RASAL2: variants seen among roughly 807,000 people sequenced by gnomAD.
RASAL2 encodes RAS protein activator like 2, also known as ras GTPase-activating protein nGAP.
Under a neutral mutation model 128.9 loss-of-function variants are expected in RASAL2, and 58 were observed. The observed-to-expected ratio is 0.45, with a 90% confidence interval of 0.36 to 0.56. The LOEUF is 0.56. RASAL2 is among the 20% of genes least tolerant of loss of function. RASAL2 has a pLI of 0.00. For missense variants in RASAL2, 1,360 were observed against 1,601.6 expected, an observed-to-expected ratio of 0.85 and a Z score of 2.57; for synonymous variants, 561 against 580.8, an observed-to-expected ratio of 0.97 and a Z score of 0.49.
chr1:178,376,074 G>A (rs1671975191), intron 3 of RASAL2, among the ~76,000 whole-genome samples: 1 of 152,116 alleles, frequency 6.6e-6, no homozygotes, highest in Admixed American at 6.6e-5. Context: ...GAGACACAGA[G>A]CGAATGACCG....
intron 2 of RASAL2, among the ~76,000 whole-genome samples, chr1:178,298,852 TTCTTAATTCTGA>T (rs1667631716): frequency 6.6e-6 from 1 of 151,998 alleles, no homozygotes; most frequent in Admixed American, 6.5e-5. Context: ...GATGTTACAA[TTCTTAATTCTGA>T]TAAAAGCTAC....
chr1:178,227,754 A>C (rs1663848556), intron 1 of RASAL2, among the ~76,000 whole-genome samples: 1 of 152,230 alleles, frequency 6.6e-6, no homozygotes, highest in African/African-American at 2.4e-5. Flanking sequence ...CTGTGCTTTA[A>C]ATGTTATAAA....
intron 6 of RASAL2, 136 bp downstream of exon 6, chr1:178,439,711 A>G (rs1676495943): frequency 3.9e-6 from 3 of 776,406 alleles, no homozygotes; most frequent in African/African-American, 1.8e-5. Flanking sequence ...TTATCTACTT[A>G]CAGAGAAAAA....
chr1:178,428,473 C>CTTTTTTTTTTTTTTTTT, intron 5 of RASAL2, among the ~76,000 whole-genome samples: 2 of 151,376 alleles, frequency 1.3e-5, no homozygotes, highest in African/African-American at 4.9e-5. Flanking sequence ...ATGATTTTAG[C>CTTTTTTTTTTTTTTTTT]TTTTATATAT....
At chr1:178,178,881 T>C (rs1451567358) in intron 1 of RASAL2, among the ~76,000 whole-genome samples, 1 of 152,226 alleles carries the variant, frequency 6.6e-6, no homozygotes, top group Admixed American at 6.5e-5. Context: ...TCAATTGCTT[T>C]ATTATACTTA....
chr1:178,094,187 G>A lies in RASAL2; in HGVS notation c.-306G>A. ...GTGGGAGGGCGAGCCTCCCCTCCCG[G>A]GTTCTTCTGCGTCCTCTCCCGGGAG... On this transcript the variant is annotated 5_prime_UTR_variant, in exon 1 of 18. Coordinates refer to ENST00000367649, the MANE Select transcript of RASAL2 (RefSeq NM_170692.4). 1 of 402,614 alleles carries A rather than the reference G, an allele frequency of 2.5e-6. No individual in the cohort carries two copies. The highest frequency in any genetic ancestry group is 4.4e-6 in the Non-Finnish European group (1 of 226,568). 24.9% of individuals were successfully genotyped at this position (402,614 alleles called of 1,614,324 possible).
intron 3 of RASAL2, among the ~76,000 whole-genome samples, chr1:178,325,226 A>G (rs1012164213): frequency 6.6e-6 from 1 of 152,222 alleles, no homozygotes; most frequent in African/African-American, 2.4e-5. Context: ...ATAACATAGG[A>G]AAAATTCAAG....
intron 3 of RASAL2, among the ~76,000 whole-genome samples, chr1:178,360,447 C>T (rs1671046775): frequency 6.6e-6 from 1 of 152,214 alleles, no homozygotes; most frequent in Non-Finnish European, 1.5e-5. Context: ...GCAAACTCTT[C>T]AGAGGGGCCC....
intron 1 of RASAL2, among the ~76,000 whole-genome samples, chr1:178,245,124 T>A (rs1280745524): frequency 6.6e-6 from 1 of 152,240 alleles, no homozygotes; most frequent in African/African-American, 2.4e-5. Context: ...ATGGTATTTC[T>A]GGTTCTAGAT....
At chr1:178,148,176 A>G (rs556421048) in intron 1 of RASAL2, among the ~76,000 whole-genome samples, 1 of 151,250 alleles carries the variant, frequency 6.6e-6, no homozygotes, top group African/African-American at 2.4e-5. Flanking sequence ...GTGTTCATTT[A>G]TTTTCTTTGC....
At chr1:178,271,943 A>G (rs927044318) in intron 1 of RASAL2, among the ~76,000 whole-genome samples, 10 of 152,166 alleles carry the variant, frequency 6.6e-5, no homozygotes, top group African/African-American at 1.9e-4. Context: ...GGGCTTTTAC[A>G]TCTGTGGTTC....
chr1:178,304,851 G>A (rs954368885), intron 3 of RASAL2, among the ~76,000 whole-genome samples: 2 of 152,170 alleles, frequency 1.3e-5, no homozygotes, highest in African/African-American at 4.8e-5. Flanking sequence ...TAGAAAGGAA[G>A]AAGCCAACTT....
intron 1 of RASAL2, among the ~76,000 whole-genome samples, chr1:178,146,649 C>T (rs866812220): frequency 1.3e-5 from 2 of 152,274 alleles, no homozygotes; most frequent in South Asian, 2.1e-4. Context: ...GACTTCTTGG[C>T]TGAGTATGTG....
intron 1 of RASAL2, among the ~76,000 whole-genome samples, chr1:178,141,484 C>T (rs955611368): frequency 6.6e-6 from 1 of 152,072 alleles, no homozygotes; most frequent in African/African-American, 2.4e-5. Flanking sequence ...GTGCAGTCAC[C>T]TTCCCCACCT....
At chr1:178,255,275 A>AAAT (rs2102103655) in intron 1 of RASAL2, among the ~76,000 whole-genome samples, 1 of 152,310 alleles carries the variant, frequency 6.6e-6, no homozygotes, top group South Asian at 2.1e-4. Context: ...AAAGAGCTCC[A>AAAT]GTAAAGCTAA....
At chr1:178,288,379 A>G (rs1353164747) in intron 2 of RASAL2, among the ~76,000 whole-genome samples, 1 of 152,096 alleles carries the variant, frequency 6.6e-6, no homozygotes, top group Non-Finnish European at 1.5e-5. Flanking sequence ...TCACTGAGAA[A>G]ATTGGAAAAT....
In RASAL2 at chr1:178,420,619, A is replaced by G; in HGVS notation, c.673A>G (p.Arg225Gly). 1.3e-6 allele frequency: 2 copies of G among 1,591,420 alleles called. No homozygotes were observed. Among genetic ancestry groups the G allele is most frequent in the Non-Finnish European group, 1.7e-6 (2 of 1,165,100 alleles). ...RLPSLRSTDD[R>G]SRGLPKLKES... ...TCCATCCCTTCGCAGTACAGATGAC[A>G]GGTAGGAAGTTAACTTTCTTAAAAC... is the stretch of plus-strand genomic sequence containing the variant. Residue 225 changes from arginine to glycine, a missense_variant and splice_region_variant, in exon 5 of 18, where the codon AGG (arginine) becomes GGG (glycine). By Grantham distance (125) the Arg-to-Gly change is moderately radical (BLOSUM62 -2). Coordinates refer to ENST00000367649, the MANE Select transcript of RASAL2 (RefSeq NM_170692.4).
chr1:178,238,359 T>C (rs1050478532), intron 1 of RASAL2, among the ~76,000 whole-genome samples: 3 of 152,186 alleles, frequency 2.0e-5, no homozygotes, highest in Non-Finnish European at 2.9e-5. Flanking sequence ...CTATTATTAA[T>C]TATGCTACTA....
intron 1 of RASAL2, among the ~76,000 whole-genome samples, chr1:178,259,288 G>A (rs1023070511): frequency 2.0e-5 from 3 of 151,402 alleles, no homozygotes; most frequent in African/African-American, 7.3e-5. Context: ...CCGCCACCAC[G>A]CCCGGCTAAT....
Sources: gnomAD v4.1 joint callset for allele counts (sites outside exome capture counted in the v4.1 genomes callset) on GRCh38, gnomAD v4.1.1 for gene constraint, MANE v1.5 for transcripts, NCBI Gene and HGNC (gene_info 2026-07-23, HGNC 2026-07-21) for gene names.